The following GYG1 variants were observed in gnomAD, a reference collection of about 807,000 sequenced individuals.
The protein encoded by GYG1 is glycogenin 1, also known as glycogenin-1.
A neutral mutation model predicts 41.9 loss-of-function variants in GYG1; 44 were observed. The observed-to-expected ratio is 1.05, with a 90% CI of 0.83 to 1.35. The LOEUF is 1.35. GYG1 is among the 40% of genes most tolerant of loss of function. The pLI is 0.00. For synonymous variants in GYG1, 141 were observed against 158.1 expected (o/e 0.89, Z 0.81); for missense variants, 429 against 418.9 (o/e 1.02, Z -0.21).
intron 4 of GYG1, among the ~76,000 whole-genome samples, chr3:149,003,114 A>ATT (rs34946711): frequency 2.3e-5 from 3 of 130,042 alleles, no homozygotes; most frequent in African/African-American, 2.9e-5. Flanking sequence ...TTTTACTATA[A>ATT]TTTTTTTTTT....
chr3:149,007,357 G>C (rs1713460811), intron 4 of GYG1, among the ~76,000 whole-genome samples: 1 of 152,178 alleles, frequency 6.6e-6, no homozygotes, highest in East Asian at 1.9e-4. Flanking sequence ...AGCATATTCT[G>C]TTGCCATCTT....
intron 5 of GYG1, among the ~76,000 whole-genome samples, chr3:149,010,854 C>T (rs915125629): frequency 6.6e-6 from 1 of 152,204 alleles, no homozygotes; most frequent in Non-Finnish European, 1.5e-5. Flanking sequence ...TATGGACATT[C>T]CTGAGTTAGC....
intron 5 of GYG1, among the ~76,000 whole-genome samples, chr3:149,022,541 G>A (rs1181202746): frequency 1.1e-5 from 1 of 94,296 alleles, no homozygotes; most frequent in Non-Finnish European, 2.0e-5. Flanking sequence ...CTGTCACCAG[G>A]CTGGAGTGCA....
At position 149,028,183 on chromosome 3, in the gene GYG1, G is replaced by A. The variant is rs1199236974; in HGVS notation, c.*1250G>A. ...TTAGAGGTTTGATTGGGCAAAAGCT[G>A]CAAAGCTTTTGTGACTTAGCCTTCA... On this transcript the variant is annotated 3_prime_UTR_variant, in exon 8 of 8. Coordinates refer to ENST00000345003, the MANE Select transcript of GYG1 (RefSeq NM_004130.4). 3.9e-5 allele frequency among the ~76,000 whole-genome samples: 6 copies of A among 152,134 alleles called. No individual in the cohort carries two copies. Among genetic ancestry groups the A allele is most frequent in the Non-Finnish European group, 5.9e-5 (4 of 68,028 alleles).
At chr3:149,022,215 G>C (rs2107919363) in intron 5 of GYG1, among the ~76,000 whole-genome samples, 1 of 152,238 alleles carries the variant, frequency 6.6e-6, no homozygotes, top group Non-Finnish European at 1.5e-5. Flanking sequence ...TATATACATA[G>C]ATTTCCTGCC....
At chr3:149,006,357 A>G (rs938885501) in intron 4 of GYG1, among the ~76,000 whole-genome samples, 12 of 152,196 alleles carry the variant, frequency 7.9e-5, no homozygotes, top group Non-Finnish European at 7.4e-5. Context: ...CTGGGATTAC[A>G]GGCGTGAGCC....
intron 5 of GYG1, among the ~76,000 whole-genome samples, chr3:149,012,909 C>T (rs1576548061): frequency 1.3e-5 from 2 of 151,990 alleles, no homozygotes; most frequent in Non-Finnish European, 2.9e-5. Context: ...ACTATAGCCT[C>T]GACCTCCTGA....
intron 4 of GYG1, among the ~76,000 whole-genome samples, chr3:149,006,950 C>T (rs1461284555): frequency 6.6e-6 from 1 of 152,126 alleles, no homozygotes; most frequent in Non-Finnish European, 1.5e-5. Context: ...CATATCTGTC[C>T]TTTGTCTTAG....
chr3:149,020,631 T>C (rs1272099810), intron 5 of GYG1, among the ~76,000 whole-genome samples: 1 of 152,252 alleles, frequency 6.6e-6, no homozygotes, highest in Non-Finnish European at 1.5e-5. Flanking sequence ...TTACTACTGC[T>C]TAGTCATTAG....
chr3:149,023,781 T>C (rs1472763824), intron 5 of GYG1, among the ~76,000 whole-genome samples: 1 of 152,028 alleles, frequency 6.6e-6, no homozygotes, highest in Non-Finnish European at 1.5e-5. Flanking sequence ...GGCCGGGAGT[T>C]CAAGACCAGG....
intron 4 of GYG1, among the ~76,000 whole-genome samples, chr3:149,005,113 C>G (rs1050462756): frequency 3.7e-4 from 56 of 152,142 alleles, no homozygotes; most frequent in African/African-American, 1.3e-3. Flanking sequence ...GTTATAATGT[C>G]CAGGTTCTCA....
chr3:149,008,475 C>T (rs1248266930), intron 4 of GYG1, among the ~76,000 whole-genome samples: 6 of 152,194 alleles, frequency 3.9e-5, no homozygotes, highest in Admixed American at 6.5e-5. Context: ...ACACGGTCCC[C>T]CGTCTTTCCC....
intron 5 of GYG1, among the ~76,000 whole-genome samples, chr3:149,014,616 A>T (rs1713917490): frequency 6.6e-6 from 1 of 151,782 alleles, no homozygotes; most frequent in Admixed American, 6.6e-5. Flanking sequence ...GAGGCCAAGG[A>T]GGGAGGATCT....
At position 148,998,196 on chromosome 3, in the gene GYG1, G is replaced by T. The variant is rs755664259; in HGVS notation, c.481+1292G>T. On this transcript the variant is annotated intron_variant, in intron 4 of 7. Transcript: ENST00000345003. ...AATTATTTTTAGTTATTTGGCTGAG[G>T]ATTTGGGAATTGTGGCTATATATGA... 2.0e-3 allele frequency among the ~76,000 whole-genome samples: 304 copies of T among 152,312 alleles called. 1 individual carries two copies. Among genetic ancestry groups the T allele is most frequent in the Non-Finnish European group, 1.7e-3 (114 of 68,030 alleles).
intron 5 of GYG1, among the ~76,000 whole-genome samples, chr3:149,023,572 G>A (rs1249617725): frequency 6.6e-6 from 1 of 152,146 alleles, no homozygotes; most frequent in Admixed American, 6.5e-5. Flanking sequence ...ATGGATTGGT[G>A]CTTCAGTGTT....
At chr3:149,016,260 C>CAAAAAAAAAAAAAA (rs369746026) in intron 5 of GYG1, among the ~76,000 whole-genome samples, 8 of 70,030 alleles carry the variant, frequency 1.1e-4, no homozygotes, top group South Asian at 6.0e-4. Context: ...GACTCCGTCT[C>CAAAAAAAAAAAAAA]AAAAAAAAAA....
chr3:149,024,329 G>T (rs924361657), intron 6 of GYG1, 57 bp downstream of exon 6: 4 of 1,035,482 alleles, frequency 3.9e-6, no homozygotes, highest in Non-Finnish European at 6.1e-6. Context: ...AAAAATTGTT[G>T]TATCAATAGA....
At chr3:149,003,172 A>G (rs1474736256) in intron 4 of GYG1, among the ~76,000 whole-genome samples, 1 of 148,568 alleles carries the variant, frequency 6.7e-6, no homozygotes, top group African/African-American at 2.5e-5. Context: ...CTGGAGTGCA[A>G]TGGTGCAATC....
chr3:148,994,377 T>C (rs1235814164), intron 2 of GYG1, 100 bp downstream of exon 2: 7 of 1,272,202 alleles, frequency 5.5e-6, no homozygotes, highest in Non-Finnish European at 6.9e-6. Flanking sequence ...TTTCAGGAAT[T>C]GAGCACCGGG....
Sources: gnomAD v4.1 joint callset for allele counts (sites outside exome capture counted in the v4.1 genomes callset) on GRCh38, gnomAD v4.1.1 for gene constraint, MANE v1.5 for transcripts, NCBI Gene and HGNC (gene_info 2026-07-23, HGNC 2026-07-21) for gene names.